PHACTR4: variants seen among roughly 807,000 people sequenced by gnomAD.
PHACTR4 encodes protein phosphatase 1, regulatory subunit 124.
In PHACTR4, 51 loss-of-function variants were observed where a neutral mutation model predicts 72.7. That is an observed-to-expected ratio of 0.70 (90% confidence interval 0.56 to 0.89). The LOEUF (loss-of-function observed/expected upper bound fraction) is 0.89. PHACTR4 is among the 40% of genes least tolerant of loss of function. The pLI, the probability that PHACTR4 is intolerant of heterozygous loss-of-function variation, is 0.00. For synonymous variants in PHACTR4, 255 were observed against 302.5 expected (o/e 0.84, Z 1.63); for missense variants, 731 against 861.8 (o/e 0.85, Z 1.90).
chr1:28,491,474 C>CA (rs1157934551), intron 11 of PHACTR4, among the ~76,000 whole-genome samples, 176 bp from the exon 12 acceptor site: 1 of 150,922 alleles, frequency 6.6e-6, no homozygotes, highest in Admixed American at 6.6e-5. Context: ...AAAAACAAAA[C>CA]AAAAAACCAC....
At position 28,499,467 on chromosome 1, in the gene PHACTR4, T is replaced by TTTTG. The variant is rs1661548326; in HGVS notation, c.*2922_*2925dup. ...AAGTTTTTTGTTTGGTTTTGATTTGTTTTGTTTTGTTTTGTTTTGTTTTGT... is the reference window on the plus strand; with the variant it reads ...AAGTTTTTTGTTTGGTTTTGATTTGTTTTGTTTGTTTTGTTTTGTTTTGTTTTGT... On this transcript the variant is annotated 3_prime_UTR_variant, in exon 14 of 14. Transcript: ENST00000373839. The TTTTG allele has an allele frequency of 2.7e-5, 4 of 147,434 alleles. No individual in the cohort carries two copies. The highest frequency in any genetic ancestry group is 1.0e-4 in the African/African-American group (4 of 39,884). 9.1% of individuals were successfully genotyped at this position (147,434 alleles called of 1,614,324 possible).
Position 28,466,576 on chromosome 1 carries a change from A to G in PHACTR4, c.631A>G (p.Thr211Ala). ...STSITTAPAA[T>A]TAATSLAKTV... is the part of the protein sequence containing the mutation. ...CTCCATCACCACAGCACCCGCTGCCACCACTGCTGCCACAAGCCTTGCAAA... is the reference window on the plus strand; with the variant it reads ...CTCCATCACCACAGCACCCGCTGCCGCCACTGCTGCCACAAGCCTTGCAAA... Residue 211 changes from threonine (T) to alanine (A), a missense_variant, in exon 6 of 14, where the codon ACC becomes GCC. Thr to Ala is a moderately conservative substitution (Grantham distance 58). Transcript: ENST00000373839. 6.2e-7 allele frequency: 1 copy of G among 1,614,032 alleles called. No individual in the cohort carries two copies. The highest frequency in any genetic ancestry group is 8.5e-7 in the Non-Finnish European group (1 of 1,179,988).
At chr1:28,446,125 A>G (rs1274403979) in intron 2 of PHACTR4, among the ~76,000 whole-genome samples, 2 of 152,222 alleles carry the variant, frequency 1.3e-5, no homozygotes, top group Non-Finnish European at 1.5e-5. Context: ...TTTATCTAAC[A>G]GTAAATGCTT....
chr1:28,384,901 T>C (rs940759852), intron 1 of PHACTR4, among the ~76,000 whole-genome samples: 1 of 151,986 alleles, frequency 6.6e-6, no homozygotes, highest in African/African-American at 2.4e-5. Flanking sequence ...CAAAAAATAA[T>C]AACAAATAAA....
At chr1:28,374,607 T>C (rs1004347436) in intron 1 of PHACTR4, among the ~76,000 whole-genome samples, 3 of 151,614 alleles carry the variant, frequency 2.0e-5, no homozygotes, top group Admixed American at 6.6e-5. Flanking sequence ...GAACTTTTTT[T>C]CCTTGTGCTT....
intron 9 of PHACTR4, among the ~76,000 whole-genome samples, chr1:28,488,847 C>T (rs1279110272): frequency 4.6e-5 from 7 of 152,278 alleles, no homozygotes; most frequent in South Asian, 4.1e-4. Flanking sequence ...GCCACCAGTT[C>T]GGTCCAAACC....
At chr1:28,491,566 G>A in intron 11 of PHACTR4, 84 bp from the exon 12 acceptor site, 2 of 1,566,114 alleles carry the variant, frequency 1.3e-6, no homozygotes, top group Non-Finnish European at 1.8e-6. Flanking sequence ...AATGAAGATT[G>A]AAGCACTGGG....
chr1:28,371,012 G>A (rs573858963), intron 1 of PHACTR4, among the ~76,000 whole-genome samples: 1 of 152,202 alleles, frequency 6.6e-6, no homozygotes, highest in Non-Finnish European at 1.5e-5. Context: ...GCGGAACTGC[G>A]TGGATTGTGG....
chr1:28,379,066 C>T (rs113551253), intron 1 of PHACTR4, among the ~76,000 whole-genome samples: 21 of 152,216 alleles, frequency 1.4e-4, no homozygotes, highest in African/African-American at 4.8e-4. Context: ...AAGCAATCTT[C>T]CTGTCTCAGC....
intron 2 of PHACTR4, among the ~76,000 whole-genome samples, chr1:28,442,084 G>A (rs941945285): frequency 2.2e-4 from 33 of 152,270 alleles, no homozygotes; most frequent in African/African-American, 7.7e-4. Flanking sequence ...TTTACTATGT[G>A]TCATATTAAA....
intron 1 of PHACTR4, among the ~76,000 whole-genome samples, chr1:28,374,960 T>A (rs1357255974): frequency 6.6e-6 from 1 of 152,190 alleles, no homozygotes; most frequent in African/African-American, 2.4e-5. Context: ...AGTATTTGGA[T>A]ACATTATTCG....
At chr1:28,426,090 A>G (rs987457114) in intron 2 of PHACTR4, among the ~76,000 whole-genome samples, 3 of 152,072 alleles carry the variant, frequency 2.0e-5, no homozygotes, top group Non-Finnish European at 2.9e-5. Context: ...GCGTAGTGGC[A>G]GGCGCCTGTA....
At chr1:28,438,306 A>G (rs1288042937) in intron 2 of PHACTR4, 5 of 1,570,284 alleles carry the variant, frequency 3.2e-6, no homozygotes, top group African/African-American at 1.4e-5. Context: ...TCCCCTCTTT[A>G]TGTGGATTTA....
chr1:28,393,949 G>A (rs768252084), intron 1 of PHACTR4, among the ~76,000 whole-genome samples: 19 of 152,036 alleles, frequency 1.2e-4, no homozygotes, highest in Non-Finnish European at 2.2e-4. Context: ...CTGGGCTCAA[G>A]CAGTTTGCTC....
At chr1:28,378,995 C>G (rs1569740153) in intron 1 of PHACTR4, among the ~76,000 whole-genome samples, 1 of 151,978 alleles carries the variant, frequency 6.6e-6, no homozygotes, top group East Asian at 1.9e-4. Flanking sequence ...CTCTGTTGCC[C>G]AAGCTGGAGT....
At chr1:28,413,969 G>A (rs1369742391) in intron 2 of PHACTR4, among the ~76,000 whole-genome samples, 1 of 152,172 alleles carries the variant, frequency 6.6e-6, no homozygotes, top group Admixed American at 6.5e-5. Flanking sequence ...GGATGGTAAG[G>A]GGTGAAGAAA....
intron 1 of PHACTR4, among the ~76,000 whole-genome samples, chr1:28,406,589 A>G (rs186464141): frequency 2.6e-5 from 4 of 152,296 alleles, no homozygotes; most frequent in Admixed American, 1.3e-4. Flanking sequence ...GCCCGGCCCT[A>G]CAACTGCATC....
intron 2 of PHACTR4, among the ~76,000 whole-genome samples, chr1:28,431,912 T>C (rs1442556294): frequency 6.6e-6 from 1 of 152,136 alleles, no homozygotes; most frequent in Non-Finnish European, 1.5e-5. Context: ...TCTGGGCTTT[T>C]AGGAAAATAA....
At position 28,454,037 on chromosome 1, in the gene PHACTR4, A is replaced by G. The variant is rs1658178694; in HGVS notation, c.17-5048A>G. ...TTGAGACCAGCCTGGGCAAGATAGC[A>G]AGACCTTGTCTCTATTAAAAAAAAA... On this transcript the variant is annotated intron_variant, in intron 2 of 13. Transcript: ENST00000373839. 3 of 342,678 alleles carry G rather than the reference A, an allele frequency of 8.8e-6. No homozygotes were observed. In the Admixed American group the frequency reaches 1.2e-4, roughly 14 times the overall value. The allele number at this position is 342,678 out of a possible 1,614,324, so 21.2% of individuals were successfully genotyped here. A position where few individuals can be genotyped will look rare whatever the true frequency, so the allele number is the denominator to read the frequency against.
Sources: gnomAD v4.1 joint callset for allele counts (sites outside exome capture counted in the v4.1 genomes callset) on GRCh38, gnomAD v4.1.1 for gene constraint, MANE v1.5 for transcripts, NCBI Gene and HGNC (gene_info 2026-07-23, HGNC 2026-07-21) for gene names.